ALDH3B1: variants seen among roughly 807,000 people sequenced by gnomAD.
ALDH3B1 encodes the protein aldehyde dehydrogenase 3 family member B1, also known as aldehyde dehydrogenase family 3 member B1.
A neutral mutation model predicts 46.2 loss-of-function variants in ALDH3B1; 37 were observed. That is an observed-to-expected ratio of 0.80 (90% CI 0.62 to 1.05). The LOEUF (loss-of-function observed/expected upper bound fraction) is 1.05. Among genes scored for constraint, ALDH3B1 ranks in the 50% least tolerant of loss-of-function variants. The pLI, the probability that ALDH3B1 is intolerant of heterozygous loss-of-function variation, is 0.00. For synonymous variants in ALDH3B1, 283 were observed against 281.0 expected, an observed-to-expected ratio of 1.01 and a Z score of -0.07; for missense variants, 603 against 665.5, an observed-to-expected ratio of 0.91 and a Z score of 1.03.
chr11:68,015,221 A>G, intron 1 of ALDH3B1, 76 bp from the exon 2 acceptor site: 1 of 1,423,332 alleles, frequency 7.0e-7, no homozygotes, highest in Non-Finnish European at 9.3e-7. Context: ...GGGTGCCCAG[A>G]CCCTGGGGCG....
chr11:68,021,441 G>A (rs1213997248), intron 6 of ALDH3B1, 44 bp from the exon 7 acceptor site: 1 of 1,578,278 alleles, frequency 6.3e-7, no homozygotes, highest in Non-Finnish European at 8.6e-7. Context: ...ATCCCGCCTG[G>A]TCCAGGTCAC....
rs777045668 is a variant in ALDH3B1, at chr11:68,021,663, C to T, written c.741C>T (p.Pro247=). The T allele has an allele frequency of 2.6e-5, 42 of 1,613,986 alleles. No individual in the cohort carries two copies. The highest frequency in any genetic ancestry group is 1.7e-4 in the Middle Eastern group (1 of 6,034). The change falls in exon 7 of 10, where the codon CCC becomes CCT. Residue 247 remains proline (P), a synonymous_variant. Coordinates refer to ENST00000342456, the MANE Select transcript of ALDH3B1 (RefSeq NM_000694.4). ...YFNAGQTCVA[P]DYVLCSPEMQ... ...ACGCCGGCCAGACCTGCGTGGCCCC[C>T]GACTACGTCCTATGCAGCCCTGAGA...
intron 8 of ALDH3B1, chr11:68,024,385 C>T (rs1212223721): frequency 6.6e-6 from 1 of 152,208 alleles, no homozygotes; most frequent in Non-Finnish European, 1.5e-5. Flanking sequence ...CTAAGCCTAC[C>T]CCACCCTCAC....
chr11:68,027,523 T>C (rs2134404123), intron 9 of ALDH3B1, among the ~76,000 whole-genome samples: 1 of 152,318 alleles, frequency 6.6e-6, no homozygotes, highest in East Asian at 1.9e-4. Flanking sequence ...ATCCATGCCC[T>C]TGACCACCAC....
At chr11:68,009,006 C>T (rs756345420), upstream of ALDH3B1, among the ~76,000 whole-genome samples, 1 of 152,176 alleles carries the variant, frequency 6.6e-6, no homozygotes, top group East Asian at 1.9e-4. Context: ...TGAGGAAGAT[C>T]GGGACTACAG....
At chr11:68,014,081 G>A (rs967066866) in intron 1 of ALDH3B1, among the ~76,000 whole-genome samples, 22 of 152,180 alleles carry the variant, frequency 1.4e-4, no homozygotes, top group African/African-American at 4.6e-4. Context: ...GCTCAGAACC[G>A]ACTGTGTGGT....
At chr11:68,026,611 G>A (rs1292972642) in intron 9 of ALDH3B1, among the ~76,000 whole-genome samples, 2 of 152,032 alleles carry the variant, frequency 1.3e-5, no homozygotes, top group African/African-American at 4.8e-5. Flanking sequence ...TGCCACTGCA[G>A]AGTCCTGGCC....
intron 1 of ALDH3B1, 162 bp from the exon 2 acceptor site, chr11:68,015,135 G>A: frequency 1.4e-6 from 1 of 710,866 alleles, no homozygotes; most frequent in East Asian, 2.9e-5. Flanking sequence ...CAGTCCCTGT[G>A]GGGTCATCTG....
intron 9 of ALDH3B1, among the ~76,000 whole-genome samples, chr11:68,026,660 G>A (rs547045617): frequency 7.2e-5 from 11 of 152,266 alleles, no homozygotes; most frequent in Admixed American, 5.9e-4. Flanking sequence ...CTAGCAACAC[G>A]CTGAAGGCCC....
Position 68,028,236 on chromosome 11 carries a change from C to T in ALDH3B1, c.*297C>T. On this transcript the variant is annotated 3_prime_UTR_variant, in exon 10 of 10. Transcript: ENST00000342456. ...CAGGAGAAGAGGACAGACACGGCAC[C>T]TCTGAGTCACCCCTCTCCTGTGGAG... 2 of 567,888 alleles carry T rather than the reference C, an allele frequency of 3.5e-6. No individual in the cohort carries two copies. Among genetic ancestry groups the T allele is most frequent in the South Asian group, 3.2e-5 (2 of 62,708 alleles). 35.2% of individuals were successfully genotyped at this position (567,888 alleles called of 1,614,324 possible).
intron 8 of ALDH3B1, chr11:68,024,279 T>C (rs1380118104): frequency 6.6e-6 from 1 of 152,190 alleles, no homozygotes; most frequent in Non-Finnish European, 1.5e-5. Context: ...ACGTGGCTAG[T>C]GAGTGGAACC....
rs868314955 is a variant in ALDH3B1, at chr11:68,018,575, G to A, written c.211G>A (p.Val71Ile). 1.9e-6 allele frequency: 3 copies of A among 1,585,216 alleles called. No homozygotes were observed. The African/African-American group carries it at 4.0e-5, about 21-fold the overall frequency. ...VSEVAISQGE[V>I]TLALRNLRAW... is the part of the protein sequence containing the mutation. The stretch of plus-strand genomic sequence containing the variant: ...TGAGGTTGCCATCAGCCAGGGCGAG[G>A]TCACCCTGGCCCTCAGGAACCTCCG... Residue 71 changes from valine to isoleucine, a missense_variant, in exon 3 of 10, where the codon GTC (valine) becomes ATC (isoleucine). By Grantham distance (29) the Val-to-Ile change is conservative. Coordinates refer to ENST00000342456, the MANE Select transcript of ALDH3B1 (RefSeq NM_000694.4).
In ALDH3B1 at chr11:68,027,783, C is replaced by T. The variant is rs1234449036; in HGVS notation, c.1251C>T (p.Phe417=). The stretch of plus-strand genomic sequence containing the variant: ...GGATGGGCCGGTACCATGGCAAGTT[C>T]TCCTTCGACACCTTCTCCCACCATC... The part of the protein sequence containing the change: ...ASGMGRYHGK[F]SFDTFSHHRA... Residue 417 remains phenylalanine, a synonymous_variant, in exon 10 of 10, where the codon TTC becomes TTT. Coordinates refer to ENST00000342456, the MANE Select transcript of ALDH3B1 (RefSeq NM_000694.4). 5 of 1,560,158 alleles carry T rather than the reference C, an allele frequency of 3.2e-6. No individual in the cohort carries two copies. Among genetic ancestry groups the T allele is most frequent in the East Asian group, 2.3e-5 (1 of 42,824 alleles).
chr11:68,015,284 C>T lies in ALDH3B1; in HGVS notation c.-1-13C>T. The stretch of plus-strand genomic sequence containing the variant: ...AGCCCTGGCCACCCAGTTCATGCCA[C>T]CCCATCTGGCAGGATGGACCCCCTT... On this transcript the variant is annotated splice_polypyrimidine_tract_variant and intron_variant, in intron 1 of 9. Coordinates refer to ENST00000342456, the MANE Select transcript of ALDH3B1 (RefSeq NM_000694.4). The T allele has an allele frequency of 1.4e-6, 2 of 1,466,344 alleles. No individual in the cohort carries two copies. The highest frequency in any genetic ancestry group is 1.8e-6 in the Non-Finnish European group (2 of 1,104,082). 90.8% of individuals were successfully genotyped at this position (1,466,344 alleles called of 1,614,324 possible).
chr11:68,018,246 T>G, intron 2 of ALDH3B1: 5 of 451,666 alleles, frequency 1.1e-5, no homozygotes, highest in Non-Finnish European at 2.0e-5. Context: ...CCCTGCTCCA[T>G]GATTTCCCTA....
chr11:68,019,278 T>G, intron 5 of ALDH3B1, 23 bp downstream of exon 5: 2 of 1,605,382 alleles, frequency 1.2e-6, no homozygotes, highest in South Asian at 2.2e-5. Context: ...GCCGGGCAGG[T>G]AGAGCGGGAA....
intron 8 of ALDH3B1, 44 bp from the exon 9 acceptor site, chr11:68,025,965 G>C (rs1256513366): frequency 1.4e-6 from 2 of 1,424,632 alleles, no homozygotes; most frequent in Non-Finnish European, 1.9e-6. Flanking sequence ...TGAGGATCCT[G>C]ATGGGGCTCA....
chr11:68,012,476 G>A (rs934035263), intron 1 of ALDH3B1, among the ~76,000 whole-genome samples: 6 of 152,214 alleles, frequency 3.9e-5, no homozygotes, highest in African/African-American at 1.2e-4. Context: ...GCAGGTCTGG[G>A]CCAAATGCAC....
At chr11:68,023,871 G>A (rs1590782042) in intron 8 of ALDH3B1, among the ~76,000 whole-genome samples, 2 of 151,378 alleles carry the variant, frequency 1.3e-5, no homozygotes, top group African/African-American at 2.4e-5. Flanking sequence ...GCAAAACCCC[G>A]TCTCTATGAA....
Sources: gnomAD v4.1 joint callset for allele counts (sites outside exome capture counted in the v4.1 genomes callset) on GRCh38, gnomAD v4.1.1 for gene constraint, MANE v1.5 for transcripts, NCBI Gene and HGNC (gene_info 2026-07-23, HGNC 2026-07-21) for gene names.